The following MGAT4C variants were observed in gnomAD, a reference collection of about 807,000 sequenced individuals.
MGAT4C encodes the protein alpha-1,3-mannosyl-glycoprotein 4-beta-N-acetylglucosaminyltransferase C.
In MGAT4C, 19 loss-of-function variants were observed where a neutral mutation model predicts 40.1. The observed-to-expected ratio is 0.47, with a 90% confidence interval of 0.33 to 0.70. The LOEUF is 0.70. Among genes scored for constraint, MGAT4C ranks in the 30% least tolerant of loss-of-function variants. The pLI is 0.02. For missense variants in MGAT4C, 491 were observed against 563.2 expected, an observed-to-expected ratio of 0.87 and a Z score of 1.30; for synonymous variants, 181 against 187.1, an observed-to-expected ratio of 0.97 and a Z score of 0.27.
At chr12:86,343,476 T>C (rs899930076) in intron 3 of MGAT4C, among the ~76,000 whole-genome samples, 28 of 152,348 alleles carry the variant, frequency 1.8e-4, no homozygotes, top group African/African-American at 6.0e-4. Flanking sequence ...CAAAACCTAT[T>C]GGAAATATGT....
intron 1 of MGAT4C, among the ~76,000 whole-genome samples, chr12:86,798,211 A>T (rs1196273291): frequency 6.6e-6 from 1 of 151,986 alleles, no homozygotes; most frequent in Non-Finnish European, 1.5e-5. Context: ...GTTATGATCA[A>T]ACAGCATATA....
At chr12:86,768,669 G>T (rs564819652) in intron 1 of MGAT4C, among the ~76,000 whole-genome samples, 133 of 151,054 alleles carry the variant, frequency 8.8e-4, no homozygotes, top group Non-Finnish European at 1.6e-3. Context: ...CCAAAACAGA[G>T]ATATAGATCA....
chr12:86,570,058 G>T (rs896513855), intron 2 of MGAT4C, among the ~76,000 whole-genome samples: 1 of 152,078 alleles, frequency 6.6e-6, no homozygotes, highest in Non-Finnish European at 1.5e-5. Context: ...GCAAGCAAAG[G>T]CTGGGGAAAT....
At chr12:86,298,543 T>C (rs1033838439) in intron 4 of MGAT4C, among the ~76,000 whole-genome samples, 2 of 152,152 alleles carry the variant, frequency 1.3e-5, no homozygotes, top group South Asian at 2.1e-4. Flanking sequence ...AAGTTTCTCA[T>C]AACATCATTT....
chr12:86,576,726 C>G (rs547238366), intron 2 of MGAT4C, among the ~76,000 whole-genome samples: 5 of 151,632 alleles, frequency 3.3e-5, no homozygotes, highest in Non-Finnish European at 7.4e-5. Flanking sequence ...TACTATAGAT[C>G]TGTAGTATAA....
chr12:86,778,034 T>G (rs1448482373), intron 1 of MGAT4C, among the ~76,000 whole-genome samples: 1 of 152,210 alleles, frequency 6.6e-6, no homozygotes, highest in East Asian at 1.9e-4. Flanking sequence ...AGCCTAGAGA[T>G]ATAGATGAAC....
chr12:86,315,067 A>G (rs1426567851), intron 4 of MGAT4C, among the ~76,000 whole-genome samples: 2 of 152,070 alleles, frequency 1.3e-5, no homozygotes, highest in Non-Finnish European at 2.9e-5. Context: ...AAACAAATAA[A>G]AAACAGAACA....
At chr12:86,625,343 A>G (rs1962769782) in intron 2 of MGAT4C, among the ~76,000 whole-genome samples, 3 of 152,304 alleles carry the variant, frequency 2.0e-5, no homozygotes, top group South Asian at 4.1e-4. Context: ...ATGGACTAAT[A>G]CACTAGGTAT....
chr12:85,972,474 T>C lies in MGAT4C; in HGVS notation c.*6815A>G, dbSNP rs1883672248. ...CTTTAGGAGTTTTAATTATTTTTAA[T>C]ATATTGCTTCTTTATTAAAAAAAGA... On this transcript the variant is annotated 3_prime_UTR_variant, in exon 5 of 5. Transcript: ENST00000611864. 6.6e-6 allele frequency: 1 copy of C among 151,240 alleles called. No homozygotes were observed. The highest frequency in any genetic ancestry group is 1.5e-5 in the Non-Finnish European group (1 of 67,242). 9.4% of individuals were successfully genotyped at this position (151,240 alleles called of 1,614,324 possible).
At chr12:86,551,940 C>T (rs561310206) in intron 2 of MGAT4C, among the ~76,000 whole-genome samples, 1 of 151,506 alleles carries the variant, frequency 6.6e-6, no homozygotes, top group African/African-American at 2.4e-5. Context: ...TACAAATAAG[C>T]CTTCCCCTAG....
intron 1 of MGAT4C, among the ~76,000 whole-genome samples, chr12:86,742,977 GTA>G (rs960707728): frequency 6.6e-6 from 1 of 150,580 alleles, no homozygotes; most frequent in Non-Finnish European, 1.5e-5. Context: ...ATGTGTTTAT[GTA>G]TATATGTGTG....
intron 1 of MGAT4C, among the ~76,000 whole-genome samples, chr12:86,737,782 T>A (rs1375093609): frequency 6.6e-6 from 1 of 151,402 alleles, no homozygotes; most frequent in African/African-American, 2.4e-5. Flanking sequence ...CTTCCTTTAG[T>A]CTTTTATTTT....
intron 1 of MGAT4C, among the ~76,000 whole-genome samples, chr12:86,144,882 A>C (rs1448357007): frequency 2.0e-5 from 3 of 152,108 alleles, no homozygotes; most frequent in African/African-American, 4.8e-5. Flanking sequence ...ATGAGAAGAA[A>C]TATTTTATCA....
intron 3 of MGAT4C, among the ~76,000 whole-genome samples, chr12:86,355,399 A>G (rs768623319): frequency 9.2e-5 from 14 of 152,242 alleles, no homozygotes; most frequent in Admixed American, 9.2e-4. Context: ...TTGAAGACAG[A>G]ATGGCTAAAT....
At chr12:86,003,260 G>T (rs999756390) in intron 2 of MGAT4C, among the ~76,000 whole-genome samples, 1 of 152,016 alleles carries the variant, frequency 6.6e-6, no homozygotes, top group Non-Finnish European at 1.5e-5. Context: ...TGTTTGTTTC[G>T]TAAAAACAGC....
chr12:86,303,569 A>AG (rs1162670318), intron 4 of MGAT4C, among the ~76,000 whole-genome samples: 5 of 149,126 alleles, frequency 3.4e-5, no homozygotes, highest in South Asian at 2.1e-4. Context: ...TAAAAAAAAA[A>AG]GAATAAAACT....
Position 86,063,424 on chromosome 12 carries a change from C to A in MGAT4C, c.-56-13701G>T, listed in dbSNP as rs542968974. 2.0e-5 allele frequency among the ~76,000 whole-genome samples: 3 copies of A among 152,094 alleles called. No individual in the cohort carries two copies. The South Asian group carries it at 6.2e-4, about 32-fold the overall frequency. ...AGTACCAGCCACTGCAAAAACATACCAAATTGTAAAGGTCATTGAGACTAT... is the reference window on the plus strand; with the variant it reads ...AGTACCAGCCACTGCAAAAACATACAAAATTGTAAAGGTCATTGAGACTAT... On this transcript the variant is annotated intron_variant, in intron 1 of 4. Transcript: ENST00000611864.
chr12:86,680,794 C>A (rs965223830), intron 2 of MGAT4C, among the ~76,000 whole-genome samples: 4 of 151,862 alleles, frequency 2.6e-5, no homozygotes, highest in Admixed American at 1.3e-4. Flanking sequence ...ATAGGAAAAT[C>A]ATTATATATA....
intron 2 of MGAT4C, among the ~76,000 whole-genome samples, chr12:86,647,954 G>T (rs540765924): frequency 6.6e-6 from 1 of 151,450 alleles, no homozygotes; most frequent in Admixed American, 6.6e-5. Flanking sequence ...ATTGTTTTTC[G>T]TCCATTGCCA....
Sources: allele counts gnomAD v4.1 joint callset (sites outside exome capture counted in the v4.1 genomes callset), GRCh38; gene constraint gnomAD v4.1.1; transcripts MANE v1.5; gene names NCBI Gene and HGNC (gene_info 2026-07-23, HGNC 2026-07-21).